Variants in MYRIP observed in about 807,000 individuals in gnomAD.
MYRIP encodes rab effector MyRIP.
Under a neutral mutation model 98.0 loss-of-function variants are expected in MYRIP, and 49 were observed. The ratio of observed to expected loss-of-function variants is 0.50; its 90% CI spans 0.40 to 0.63. MYRIP has a LOEUF of 0.63. Among genes scored for constraint, MYRIP ranks in the 30% least tolerant of loss-of-function variants. The pLI is 0.00. For synonymous variants in MYRIP, 404 were observed against 409.5 expected (o/e 0.99, Z 0.16); for missense variants, 1,004 against 1,058.2 (o/e 0.95, Z 0.71).
rs1164867113 is a variant in MYRIP at position 40,084,752 on chromosome 3, GTGT to G, written c.332+40483_332+40485del. Among the ~76,000 whole-genome samples, 4 of 126,554 alleles carry G rather than the reference GTGT, an allele frequency of 3.2e-5. 1 individual carries two copies. The highest frequency in any genetic ancestry group is 3.3e-5 in the Non-Finnish European group (2 of 60,756). 83.0% of individuals were successfully genotyped at this position (126,554 alleles called of 152,430 possible). A position where few individuals can be genotyped will look rare whatever the true frequency, so the allele number is the denominator to read the frequency against. On this transcript the variant is annotated intron_variant, in intron 3 of 16. Transcript: ENST00000302541. ...ATGTCGATAGATAATATGTATCTAT[GTGT>G]TACATGTCGATAGATAATATATATG...
intron 8 of MYRIP, among the ~76,000 whole-genome samples, chr3:40,179,432 T>C (rs1480127141): frequency 1.3e-5 from 2 of 152,148 alleles, no homozygotes; most frequent in Non-Finnish European, 2.9e-5. Flanking sequence ...TTGCAGAGAA[T>C]GGGGGAGAAT....
chr3:40,108,174 TGAGAGAGAGAGAGAGAGA>T (rs72224557), intron 3 of MYRIP, among the ~76,000 whole-genome samples: 15 of 138,294 alleles, frequency 1.1e-4, no homozygotes, highest in South Asian at 2.3e-4. Context: ...GCAGTGTTTG[TGAGAGAGAGAGAGAGAGA>T]GAGAGAGAGA....
chr3:39,813,016 C>T (rs142507951), intron 1 of MYRIP, among the ~76,000 whole-genome samples: 336 of 152,276 alleles, frequency 2.2e-3, no homozygotes, highest in African/African-American at 7.2e-3. Flanking sequence ...GCCTTTCCCT[C>T]AGCAAGATGG....
intron 1 of MYRIP, among the ~76,000 whole-genome samples, chr3:39,887,032 A>C (rs970152577): frequency 6.6e-6 from 1 of 151,886 alleles, no homozygotes; most frequent in African/African-American, 2.4e-5. Context: ...AGGATTAAGA[A>C]TCTCACTCAA....
intron 2 of MYRIP, among the ~76,000 whole-genome samples, chr3:39,970,600 T>G (rs1035253226): frequency 6.6e-6 from 1 of 152,170 alleles, no homozygotes; most frequent in African/African-American, 2.4e-5. Flanking sequence ...TACCCCAGTT[T>G]GAATTCCATT....
intron 2 of MYRIP, among the ~76,000 whole-genome samples, chr3:40,020,132 A>C (rs1002882746): frequency 6.6e-6 from 1 of 152,188 alleles, no homozygotes; most frequent in African/African-American, 2.4e-5. Context: ...TTTTCAGCCC[A>C]AAACTCCTCT....
At chr3:39,885,785 G>A (rs144857978) in intron 1 of MYRIP, among the ~76,000 whole-genome samples, 3,690 of 151,928 alleles carry the variant, frequency 0.024, 106 homozygotes, top group East Asian at 0.09. Context: ...CCAGTTGATC[G>A]CATTGGCTCC....
intron 2 of MYRIP, among the ~76,000 whole-genome samples, chr3:39,998,938 C>A (rs977159393): frequency 7.2e-5 from 11 of 152,126 alleles, no homozygotes; most frequent in Admixed American, 2.6e-4. Context: ...AGGATTCCCT[C>A]TTTAATAAAT....
At chr3:39,926,564 A>G (rs189446460) in intron 2 of MYRIP, among the ~76,000 whole-genome samples, 3 of 152,154 alleles carry the variant, frequency 2.0e-5, no homozygotes, top group South Asian at 2.1e-4. Flanking sequence ...CTAGGCAGCT[A>G]TTCCAGCAAC....
chr3:39,993,171 A>T (rs983281796), intron 2 of MYRIP, among the ~76,000 whole-genome samples: 1 of 152,174 alleles, frequency 6.6e-6, no homozygotes, highest in African/African-American at 2.4e-5. Flanking sequence ...GAAAGGCAAG[A>T]AAGAGAGGCA....
At chr3:39,828,041 T>C (rs914322576) in intron 1 of MYRIP, among the ~76,000 whole-genome samples, 8 of 152,142 alleles carry the variant, frequency 5.3e-5, no homozygotes, top group African/African-American at 1.9e-4. Context: ...TTTTGACAGT[T>C]TGACTGTAAC....
chr3:39,979,867 CT>C (rs1945847109), intron 2 of MYRIP, among the ~76,000 whole-genome samples: 1 of 152,118 alleles, frequency 6.6e-6, no homozygotes. Context: ...CAACATGATG[CT>C]TTTGTAATGA....
chr3:39,897,826 CTT>C lies in MYRIP; in HGVS notation c.-30-2943_-30-2942del, dbSNP rs66846258. Among the ~76,000 whole-genome samples, 310 of 134,052 alleles carry C rather than the reference CTT, an allele frequency of 2.3e-3. 3 individuals are homozygous for C. The South Asian group carries it at 0.037, about 16-fold the overall frequency. 87.9% of individuals were successfully genotyped at this position (134,052 alleles called of 152,430 possible). A position where few individuals can be genotyped will look rare whatever the true frequency, so the allele number is the denominator to read the frequency against. On this transcript the variant is annotated intron_variant, in intron 1 of 16. Coordinates refer to ENST00000302541, the MANE Select transcript of MYRIP (RefSeq NM_015460.4). ...TTTCTTTACAAAAACAAGTCCTGAT[CTT>C]TTTTTTTTTTTTTTTTTAGGTTTGA...
intron 2 of MYRIP, among the ~76,000 whole-genome samples, chr3:39,986,886 CT>C (rs1946044226): frequency 1.3e-5 from 2 of 152,250 alleles, no homozygotes; most frequent in South Asian, 4.1e-4. Context: ...GGCCATATCT[CT>C]GCTTGTCCCC....
chr3:40,121,539 A>C (rs1949405359), intron 3 of MYRIP, among the ~76,000 whole-genome samples: 1 of 151,812 alleles, frequency 6.6e-6, no homozygotes, highest in Non-Finnish European at 1.5e-5. Flanking sequence ...TCCCCTGGGT[A>C]CCACCACTGC....
intron 5 of MYRIP, among the ~76,000 whole-genome samples, chr3:40,164,521 C>G (rs1393755802): frequency 6.6e-6 from 1 of 152,146 alleles, no homozygotes; most frequent in Non-Finnish European, 1.5e-5. Flanking sequence ...GGAGGGCAAC[C>G]CTTACATGAA....
intron 2 of MYRIP, among the ~76,000 whole-genome samples, chr3:40,032,080 T>C (rs529643968): frequency 6.6e-6 from 1 of 152,288 alleles, no homozygotes; most frequent in East Asian, 1.9e-4. Flanking sequence ...ATTGTGATGT[T>C]AGGGTGTCCA....
chr3:39,972,263 G>A (rs1374574450), intron 2 of MYRIP, among the ~76,000 whole-genome samples: 1 of 151,962 alleles, frequency 6.6e-6, no homozygotes, highest in Non-Finnish European at 1.5e-5. Flanking sequence ...TTTCTTCTCT[G>A]AGGTAGTAAT....
intron 3 of MYRIP, chr3:40,099,933 T>G: frequency 2.2e-6 from 2 of 920,484 alleles, no homozygotes; most frequent in Non-Finnish European, 1.3e-6. Flanking sequence ...CTGTTGCACA[T>G]GTGTTGATGG....
Sources: allele counts gnomAD v4.1 joint callset (sites outside exome capture counted in the v4.1 genomes callset), GRCh38; gene constraint gnomAD v4.1.1; transcripts MANE v1.5; gene names NCBI Gene and HGNC (gene_info 2026-07-23, HGNC 2026-07-21).